Variants in MYO1D observed in about 807,000 individuals in gnomAD.
MYO1D encodes the protein myosin ID, also known as unconventional myosin-Id.
A neutral mutation model predicts 122.0 loss-of-function variants in MYO1D; 83 were observed. The observed-to-expected ratio is 0.68, with a 90% CI of 0.57 to 0.82. The LOEUF (loss-of-function observed/expected upper bound fraction) is 0.82. Among genes scored for constraint, MYO1D ranks in the 40% least tolerant of loss-of-function variants. MYO1D has a pLI of 0.00. For missense variants in MYO1D, 1,157 were observed against 1,269.5 expected (o/e 0.91, Z 1.35); for synonymous variants, 464 against 446.9 (o/e 1.04, Z -0.48).
chr17:32,773,196 C>G lies in MYO1D; in HGVS notation c.565-354G>C, dbSNP rs150112550. On this transcript the variant is annotated intron_variant, in intron 4 of 21. Coordinates refer to ENST00000318217, the MANE Select transcript of MYO1D (RefSeq NM_015194.3). ...CAGGTAAGCGGCCTCTTTTTACTCT[C>G]TTCTCCAACCTCTCTTACTATCCCT... 1.6e-3 allele frequency among the ~76,000 whole-genome samples: 245 copies of G among 152,300 alleles called. 2 individuals carry two copies. In the East Asian group the frequency reaches 0.032, roughly 20 times the overall value.
intron 16 of MYO1D, among the ~76,000 whole-genome samples, chr17:32,700,487 A>T (rs571644385): frequency 6.6e-6 from 1 of 152,370 alleles, no homozygotes; most frequent in South Asian, 2.1e-4. Context: ...CAGCAGAAGC[A>T]GATCCACAAA....
At chr17:32,560,693 C>G (rs1474214693) in intron 21 of MYO1D, among the ~76,000 whole-genome samples, 1 of 150,482 alleles carries the variant, frequency 6.6e-6, no homozygotes, top group Non-Finnish European at 1.5e-5. Context: ...AATCTCAACT[C>G]TCTGCAACCT....
intron 1 of MYO1D, among the ~76,000 whole-genome samples, chr17:32,859,614 T>C (rs1270701951): frequency 1.3e-5 from 2 of 152,242 alleles, no homozygotes; most frequent in Non-Finnish European, 2.9e-5. Flanking sequence ...CTGGCATGAA[T>C]TCTGTCTTTT....
At chr17:32,653,361 C>G (rs2088424618) in intron 19 of MYO1D, among the ~76,000 whole-genome samples, 1 of 151,288 alleles carries the variant, frequency 6.6e-6, no homozygotes, top group African/African-American at 2.4e-5. Flanking sequence ...AATCCCAGCA[C>G]TTTAGGAGGC....
Position 32,767,636 on chromosome 17 carries a change from C to G in MYO1D, c.831G>C (p.Leu277Phe), listed in dbSNP as rs745968295. ...CATTCTGAGAGGTGTCCCTACTCACCAAGTGCAGAATAGCAGCCAAAATCT... is the reference window on the plus strand; with the variant it reads ...CATTCTGAGAGGTGTCCCTACTCACGAAGTGCAGAATAGCAGCCAAAATCT... ...VYKILAAILH[L>F]GNLKFVVDGD... Residue 277 changes from leucine to phenylalanine, a missense_variant and splice_region_variant, in exon 7 of 22, where the codon TTG (leucine) becomes TTC (phenylalanine). Transcript: ENST00000318217. 3.1e-6 allele frequency: 5 copies of G among 1,589,612 alleles called. No homozygotes were observed. Among genetic ancestry groups the G allele is most frequent in the Non-Finnish European group, 4.3e-6 (5 of 1,159,250 alleles).
chr17:32,553,077 C>CAAAAAAAAAAAAACAAAAAAAAAA (rs2087033180), intron 21 of MYO1D, among the ~76,000 whole-genome samples: 1 of 105,844 alleles, frequency 9.4e-6, no homozygotes, highest in South Asian at 3.0e-4. Context: ...TTCTCTAAGA[C>CAAAAAAAAAAAAACAAAAAAAAAA]AAAAAAAAAA....
At chr17:32,742,405 G>A (rs1189627058) in intron 13 of MYO1D, among the ~76,000 whole-genome samples, 1 of 152,162 alleles carries the variant, frequency 6.6e-6, no homozygotes, top group South Asian at 2.1e-4. Context: ...CACTGGCCTG[G>A]AGAGCCTGGG....
chr17:32,517,640 G>C (rs1172287980), intron 21 of MYO1D, among the ~76,000 whole-genome samples: 1 of 152,098 alleles, frequency 6.6e-6, no homozygotes, highest in African/African-American at 2.4e-5. Context: ...GCTTTAAACC[G>C]TTTAAGCATC....
intron 8 of MYO1D, among the ~76,000 whole-genome samples, chr17:32,763,948 T>A (rs2090028687): frequency 6.6e-6 from 1 of 151,814 alleles, no homozygotes; most frequent in African/African-American, 2.4e-5. Flanking sequence ...AAGTATACCC[T>A]TTGACCTGGC....
chr17:32,783,991 G>C (rs1475793230), intron 1 of MYO1D, among the ~76,000 whole-genome samples: 1 of 152,176 alleles, frequency 6.6e-6, no homozygotes, highest in African/African-American at 2.4e-5. Flanking sequence ...ATTAAAAAAG[G>C]AGTGGAGAAC....
At chr17:32,742,943 C>T (rs1327607722) in intron 13 of MYO1D, among the ~76,000 whole-genome samples, 1 of 152,196 alleles carries the variant, frequency 6.6e-6, no homozygotes, top group Non-Finnish European at 1.5e-5. Flanking sequence ...TGTCAAGAGT[C>T]CCACTGACCT....
chr17:32,649,921 C>T (rs2088364294), intron 19 of MYO1D, among the ~76,000 whole-genome samples: 1 of 152,124 alleles, frequency 6.6e-6, no homozygotes, highest in Non-Finnish European at 1.5e-5. Flanking sequence ...ATTTCAATTG[C>T]TTTCACCTGT....
At chr17:32,650,238 A>G (rs1422619053) in intron 19 of MYO1D, among the ~76,000 whole-genome samples, 1 of 152,240 alleles carries the variant, frequency 6.6e-6, no homozygotes, top group Non-Finnish European at 1.5e-5. Flanking sequence ...CCAGTACTTT[A>G]AAGATGTTGC....
rs1283221891 is a variant in MYO1D, at chr17:32,494,719, C to T, written c.*40G>A. 8.4e-6 allele frequency: 13 copies of T among 1,543,932 alleles called. No individual in the cohort carries two copies. In the East Asian group the frequency reaches 1.2e-4, roughly 14 times the overall value. Reference sequence around the variant, plus strand: ...AGCAGCTGGACTGGGACCCAGGACTCGGAGTGTGGCCGGGCTCCGGGCCAG... The same window carrying T: ...AGCAGCTGGACTGGGACCCAGGACTTGGAGTGTGGCCGGGCTCCGGGCCAG... On this transcript the variant is annotated 3_prime_UTR_variant, in exon 22 of 22. Coordinates refer to ENST00000318217, the MANE Select transcript of MYO1D (RefSeq NM_015194.3).
chr17:32,512,317 A>AT (rs1909725378), intron 21 of MYO1D, among the ~76,000 whole-genome samples: 1 of 151,020 alleles, frequency 6.6e-6, no homozygotes, highest in Admixed American at 6.6e-5. Flanking sequence ...AAAAAAAAAA[A>AT]GAGCCATCAT....
At chr17:32,620,158 G>A (rs1031661203) in intron 20 of MYO1D, among the ~76,000 whole-genome samples, 1 of 152,130 alleles carries the variant, frequency 6.6e-6, no homozygotes, top group African/African-American at 2.4e-5. Context: ...GGAAACCTAG[G>A]CATGTCCCTC....
At chr17:32,745,118 A>G (rs2089818462) in intron 13 of MYO1D, 93 bp downstream of exon 13, 2 of 716,990 alleles carry the variant, frequency 2.8e-6, no homozygotes, top group African/African-American at 3.7e-5. Flanking sequence ...TGTGCCAGAA[A>G]CTCTTAAAAT....
At chr17:32,547,943 G>A (rs1164707779) in intron 21 of MYO1D, among the ~76,000 whole-genome samples, 1 of 120,600 alleles carries the variant, frequency 8.3e-6, no homozygotes, top group African/African-American at 3.3e-5. Context: ...GAGCAAGACC[G>A]TGTCTTAAAA....
intron 21 of MYO1D, among the ~76,000 whole-genome samples, chr17:32,534,143 T>A (rs190551844): frequency 6.6e-6 from 1 of 152,172 alleles, no homozygotes; most frequent in African/African-American, 2.4e-5. Context: ...CCATATGCAA[T>A]AATTACTTTT....
Sources: gnomAD v4.1 joint callset for allele counts (sites outside exome capture counted in the v4.1 genomes callset) on GRCh38, gnomAD v4.1.1 for gene constraint, MANE v1.5 for transcripts, NCBI Gene and HGNC (gene_info 2026-07-23, HGNC 2026-07-21) for gene names.